Variants in CBFA2T3 observed in about 807,000 individuals in gnomAD.
CBFA2T3 encodes the protein CBFA2/RUNX1 partner transcriptional co-repressor 3.
CBFA2T3 carries 31 observed loss-of-function variants against 58.6 expected under a neutral mutation model. The observed-to-expected ratio is 0.53, with a 90% CI of 0.40 to 0.71. The LOEUF (loss-of-function observed/expected upper bound fraction) is 0.71. Among genes scored for constraint, CBFA2T3 ranks in the 30% least tolerant of loss-of-function variants. The pLI is 0.00. For missense variants in CBFA2T3, 1,076 were observed against 963.1 expected, an observed-to-expected ratio of 1.12 and a Z score of -1.55; for synonymous variants, 531 against 421.9, an observed-to-expected ratio of 1.26 and a Z score of -3.17.
intron 1 of CBFA2T3, among the ~76,000 whole-genome samples, chr16:88,922,556 T>C (rs1970955945): frequency 6.6e-6 from 1 of 152,216 alleles, no homozygotes; most frequent in Non-Finnish European, 1.5e-5. Context: ...GGGGCAGACA[T>C]TCTGCAAGCA....
rs564366072 is a variant in CBFA2T3, at chr16:88,974,651, C to T, written c.151+2006G>A. Among the ~76,000 whole-genome samples the T allele has an allele frequency of 2.0e-4, 31 of 152,322 alleles. No homozygotes were observed. The South Asian group carries it at 2.9e-3, about 14-fold the overall frequency. On this transcript the variant is annotated intron_variant, in intron 1 of 11. Transcript: ENST00000268679. ...GTTCTCCCCAGAGTTTAAAGCCAAT[C>T]GGCCTGTTTTCAGGCCTCAAAGGTT...
chr16:88,905,906 T>TGGC (rs1970310109), intron 1 of CBFA2T3, among the ~76,000 whole-genome samples: 1 of 151,748 alleles, frequency 6.6e-6, no homozygotes, highest in African/African-American at 2.4e-5. Flanking sequence ...TGGACACCCA[T>TGGC]TTCCTTGGCG....
chr16:88,885,380 T>G lies in CBFA2T3; in HGVS notation c.894-111A>C. ...CAAGGGCAGAGAGAAAGAGGACACG[T>G]AAGGGCGAGACAGAAACACGGAGCA... On this transcript the variant is annotated intron_variant, in intron 6 of 11. Coordinates refer to ENST00000268679, the MANE Select transcript of CBFA2T3 (RefSeq NM_005187.6). This position sits in a 1 kb window ranked among gnomAD's most constrained non-coding sequence, Gnocchi z 5.3. 1.5e-6 allele frequency: 1 copy of G among 687,140 alleles called. No individual in the cohort carries two copies. The highest frequency in any genetic ancestry group is 2.3e-6 in the Non-Finnish European group (1 of 443,626). 42.6% of individuals were successfully genotyped at this position (687,140 alleles called of 1,614,324 possible).
intron 1 of CBFA2T3, among the ~76,000 whole-genome samples, chr16:88,914,745 G>A (rs909944728): frequency 6.6e-6 from 1 of 152,216 alleles, no homozygotes; most frequent in Non-Finnish European, 1.5e-5. Context: ...GTTGAGCAAA[G>A]CCTGGAAAGG....
At chr16:88,929,270 G>A (rs946121987) in intron 1 of CBFA2T3, among the ~76,000 whole-genome samples, 4 of 123,114 alleles carry the variant, frequency 3.2e-5, no homozygotes, top group African/African-American at 1.0e-4. Context: ...ACCAGCCCGT[G>A]ACCTCAGGCA....
intron 8 of CBFA2T3, among the ~76,000 whole-genome samples, chr16:88,881,814 C>A (rs1969094915): frequency 6.6e-6 from 1 of 152,242 alleles, no homozygotes; most frequent in African/African-American, 2.4e-5. Flanking sequence ...TTCCAAAAAG[C>A]ATGAGGGCGA....
intron 2 of CBFA2T3, 23 bp downstream of exon 2, chr16:88,901,481 G>C: frequency 7.2e-7 from 1 of 1,381,696 alleles, no homozygotes; most frequent in African/African-American, 1.5e-5. Context: ...CTGGCCCTCG[G>C]CTGCCAGGTG....
At chr16:88,921,561 C>G (rs985051292) in intron 1 of CBFA2T3, among the ~76,000 whole-genome samples, 7 of 151,208 alleles carry the variant, frequency 4.6e-5, no homozygotes, top group African/African-American at 1.7e-4. Context: ...TCTCTGTCTG[C>G]AGCCCCCTGC....
Position 88,876,111 on chromosome 16 carries a change from GACAA to G in CBFA2T3, c.*861_*864del, listed in dbSNP as rs143948959. On this transcript the variant is annotated 3_prime_UTR_variant, in exon 12 of 12. Coordinates refer to ENST00000268679, the MANE Select transcript of CBFA2T3 (RefSeq NM_005187.6). ...ACAGTGAAAAAAATACTTTGGCAGT[GACAA>G]ACAAATTTTGGATTTTGATTTCTTG... The G allele has an allele frequency of 0.014, 3,217 of 232,826 alleles. 26 individuals carry two copies. Among genetic ancestry groups the G allele is most frequent in the East Asian group, 0.019 (319 of 16,448 alleles). 14.4% of individuals were successfully genotyped at this position (232,826 alleles called of 1,614,324 possible). A position where few individuals can be genotyped will look rare whatever the true frequency, so the allele number is the denominator to read the frequency against.
intron 1 of CBFA2T3, among the ~76,000 whole-genome samples, chr16:88,960,949 C>A (rs576623292): frequency 1.1e-4 from 17 of 152,198 alleles, no homozygotes; most frequent in Admixed American, 2.6e-4. Flanking sequence ...ATGTCCCAGG[C>A]AATATTTGAG....
chr16:88,943,458 C>T (rs1357636739), intron 1 of CBFA2T3, among the ~76,000 whole-genome samples: 3 of 152,254 alleles, frequency 2.0e-5, no homozygotes, highest in African/African-American at 7.2e-5. Flanking sequence ...TCAGACACCA[C>T]AACCCAGGCG....
intron 1 of CBFA2T3, among the ~76,000 whole-genome samples, chr16:88,921,925 C>T (rs1970934862): frequency 6.6e-6 from 1 of 152,238 alleles, no homozygotes; most frequent in South Asian, 2.1e-4. Context: ...TCACCCAGAC[C>T]TCTCTGCGCG....
chr16:88,901,479 CGGCTGCCAGGTGGG>C lies in CBFA2T3; in HGVS notation c.304+11_304+24del. 4 of 1,373,716 alleles carry C rather than the reference CGGCTGCCAGGTGGG, an allele frequency of 2.9e-6. No homozygotes were observed. Among genetic ancestry groups the C allele is most frequent in the Non-Finnish European group, 3.9e-6 (4 of 1,032,974 alleles). The allele number at this position is 1,373,716 out of a possible 1,614,324, so 85.1% of individuals were successfully genotyped here. On this transcript the variant is annotated intron_variant, in intron 2 of 11. Coordinates refer to ENST00000268679, the MANE Select transcript of CBFA2T3 (RefSeq NM_005187.6). ...GGCCTCCCCTGAAACACCTGGCCCT[CGGCTGCCAGGTGGG>C]GGCTACTTACGTGTGTGTGGCGTGA...
At chr16:88,923,294 G>A (rs746610985) in intron 1 of CBFA2T3, among the ~76,000 whole-genome samples, 1 of 152,216 alleles carries the variant, frequency 6.6e-6, no homozygotes, top group Non-Finnish European at 1.5e-5. Flanking sequence ...TCATCGCACA[G>A]AGGAGGTGAG....
chr16:88,961,603 T>G (rs1467095532), intron 1 of CBFA2T3, among the ~76,000 whole-genome samples: 1 of 121,592 alleles, frequency 8.2e-6, no homozygotes, highest in Non-Finnish European at 1.7e-5. Context: ...CACTCCATAG[T>G]AACCGACACT....
At chr16:88,893,589 C>T (rs1404939387) in intron 3 of CBFA2T3, among the ~76,000 whole-genome samples, 1 of 152,188 alleles carries the variant, frequency 6.6e-6, no homozygotes. Flanking sequence ...ACGCAGATGC[C>T]CGTGCACACA....
At chr16:88,930,152 C>A (rs1971241774) in intron 1 of CBFA2T3, among the ~76,000 whole-genome samples, 1 of 148,820 alleles carries the variant, frequency 6.7e-6, no homozygotes, top group Non-Finnish European at 1.5e-5. Context: ...CTACCAATAC[C>A]CACAGCTGCA....
chr16:88,920,171 G>C lies in CBFA2T3; in HGVS notation c.152-18515C>G, dbSNP rs182683685. On this transcript the variant is annotated intron_variant, in intron 1 of 11. Transcript: ENST00000268679. ...GCAAGTCAGCTGACCAGTGAAGCTT[G>C]TGCAACGGTGGAATGTTCTAGGCCC... 3.6e-3 allele frequency among the ~76,000 whole-genome samples: 541 copies of C among 152,356 alleles called. 1 individual carries two copies. Among genetic ancestry groups the C allele is most frequent in the African/African-American group, 0.013 (524 of 41,582 alleles).
At chr16:88,935,500 C>A (rs1166255183) in intron 1 of CBFA2T3, among the ~76,000 whole-genome samples, 1 of 152,230 alleles carries the variant, frequency 6.6e-6, no homozygotes, top group African/African-American at 2.4e-5. Flanking sequence ...CCCTCAGTTT[C>A]CCCTCTGTAA....
Sources: allele counts gnomAD v4.1 joint callset (sites outside exome capture counted in the v4.1 genomes callset), GRCh38; gene constraint gnomAD v4.1.1; non-coding constraint Gnocchi (gnomAD v3.1); transcripts MANE v1.5; gene names NCBI Gene and HGNC (gene_info 2026-07-23, HGNC 2026-07-21).